RXFP1: variants seen among roughly 807,000 people sequenced by gnomAD.
RXFP1 encodes the protein relaxin receptor 1.
A neutral mutation model predicts 89.8 loss-of-function variants in RXFP1; 73 were observed. The observed-to-expected ratio is 0.81, with a 90% CI of 0.67 to 0.99. The LOEUF (loss-of-function observed/expected upper bound fraction) is 0.99. Among genes scored for constraint, RXFP1 ranks in the 50% least tolerant of loss-of-function variants. RXFP1 has a pLI of 0.00. For missense variants in RXFP1, 793 were observed against 895.5 expected (o/e 0.89, Z 1.46); for synonymous variants, 277 against 305.5 (o/e 0.91, Z 0.97).
chr4:158,592,599 A>T (rs377466626), intron 2 of RXFP1, among the ~76,000 whole-genome samples: 56 of 152,276 alleles, frequency 3.7e-4, no homozygotes, highest in Middle Eastern at 3.4e-3. Context: ...AAAGTAACAT[A>T]AAAAAAGTTA....
intron 1 of RXFP1, among the ~76,000 whole-genome samples, chr4:158,525,131 G>A (rs770729477): frequency 8.6e-5 from 13 of 151,044 alleles, no homozygotes; most frequent in Non-Finnish European, 1.8e-4. Context: ...GAGAATGTTC[G>A]CATATTTATC....
At chr4:158,534,487 TC>T (rs1465818885) in intron 1 of RXFP1, among the ~76,000 whole-genome samples, 1 of 152,138 alleles carries the variant, frequency 6.6e-6, no homozygotes, top group Non-Finnish European at 1.5e-5. Context: ...CCTCAGGTGA[TC>T]CGCCCGCCTC....
Position 158,608,742 on chromosome 4 carries a change from A to T in RXFP1, c.536+699A>T, listed in dbSNP as rs142166186. ...CCTCCAAAACTTTTTCATCTTCCCC[A>T]ACTGAAACTCCATATTTGTTGAATA... On this transcript the variant is annotated intron_variant, in intron 6 of 17. Transcript: ENST00000307765. 7.1e-3 allele frequency among the ~76,000 whole-genome samples: 1,074 copies of T among 152,252 alleles called. 13 individuals are homozygous for T. Among genetic ancestry groups the T allele is most frequent in the African/African-American group, 0.023 (957 of 41,544 alleles).
chr4:158,605,240 T>C, intron 5 of RXFP1, 101 bp downstream of exon 5: 1 of 565,268 alleles, frequency 1.8e-6, no homozygotes, highest in Non-Finnish European at 3.2e-6. Flanking sequence ...CCGCTGCTTG[T>C]GTCTAATCCC....
chr4:158,618,522 T>C (rs959575952), intron 9 of RXFP1, among the ~76,000 whole-genome samples: 1 of 152,120 alleles, frequency 6.6e-6, no homozygotes, highest in Non-Finnish European at 1.5e-5. Context: ...TTATTCCATA[T>C]GAATTCCTGA....
chr4:158,568,649 A>G (rs1561029992), intron 1 of RXFP1, among the ~76,000 whole-genome samples: 1 of 152,174 alleles, frequency 6.6e-6, no homozygotes, highest in Non-Finnish European at 1.5e-5. Context: ...AAAAAGATTA[A>G]TTTTGAATAA....
At chr4:158,551,237 CT>C (rs1750032248) in intron 1 of RXFP1, among the ~76,000 whole-genome samples, 1 of 152,222 alleles carries the variant, frequency 6.6e-6, no homozygotes, top group Middle Eastern at 3.4e-3. Context: ...CTGCAAGATC[CT>C]TTTTATATGT....
chr4:158,561,626 CTTTTTTT>C (rs70962615), intron 1 of RXFP1, among the ~76,000 whole-genome samples: 2 of 112,588 alleles, frequency 1.8e-5, no homozygotes, highest in Admixed American at 1.0e-4. Context: ...TTCTTTTTTT[CTTTTTTT>C]TTTTTTTTTT....
intron 3 of RXFP1, among the ~76,000 whole-genome samples, chr4:158,594,809 CT>C (rs1462225991): frequency 1.3e-5 from 2 of 151,926 alleles, no homozygotes; most frequent in Non-Finnish European, 2.9e-5. Context: ...TCACAGAATT[CT>C]TTGCTGGGTT....
intron 1 of RXFP1, among the ~76,000 whole-genome samples, chr4:158,532,326 A>G (rs533230565): frequency 5.1e-4 from 78 of 151,874 alleles, no homozygotes; most frequent in African/African-American, 1.9e-3. Context: ...TATCTTATCT[A>G]CCATTGGTGG....
chr4:158,589,826 G>A (rs138414777), intron 2 of RXFP1, among the ~76,000 whole-genome samples: 2,417 of 152,202 alleles, frequency 0.016, 35 homozygotes, highest in Non-Finnish European at 0.026. Flanking sequence ...GCCAAGGTGG[G>A]AGGATCACTT....
At chr4:158,547,452 A>T (rs762842752) in intron 1 of RXFP1, among the ~76,000 whole-genome samples, 9 of 151,822 alleles carry the variant, frequency 5.9e-5, no homozygotes, top group Non-Finnish European at 1.0e-4. Context: ...TATTTCCTTC[A>T]GTTCTGCTCT....
chr4:158,626,194 A>T (rs1270878048), intron 9 of RXFP1, among the ~76,000 whole-genome samples: 1 of 150,846 alleles, frequency 6.6e-6, no homozygotes, highest in Non-Finnish European at 1.5e-5. Context: ...ATAGAGATAT[A>T]TGCAGCTCTC....
intron 2 of RXFP1, among the ~76,000 whole-genome samples, chr4:158,592,435 G>T (rs567795707): frequency 3.3e-5 from 5 of 152,138 alleles, no homozygotes; most frequent in African/African-American, 1.2e-4. Context: ...TTTGCTAGGC[G>T]TGGTGGCGGG....
At chr4:158,626,986 A>C (rs1766980526) in intron 10 of RXFP1, 95 bp downstream of exon 10, 1 of 550,880 alleles carries the variant, frequency 1.8e-6, no homozygotes, top group Non-Finnish European at 3.0e-6. Flanking sequence ...CCCAAAGAAC[A>C]TCAAGAGTCT....
At chr4:158,586,542 A>G (rs868756072) in intron 2 of RXFP1, among the ~76,000 whole-genome samples, 3 of 152,270 alleles carry the variant, frequency 2.0e-5, no homozygotes, top group African/African-American at 4.8e-5. Context: ...AGTATGAAAA[A>G]CCATTTTGAT....
At chr4:158,633,164 G>A (rs539126167) in intron 11 of RXFP1, among the ~76,000 whole-genome samples, 3 of 151,352 alleles carry the variant, frequency 2.0e-5, no homozygotes, top group South Asian at 2.1e-4. Flanking sequence ...AGTGATACTC[G>A]GTCTCAAAAA....
intron 1 of RXFP1, among the ~76,000 whole-genome samples, chr4:158,532,882 T>C (rs915893251): frequency 6.6e-6 from 1 of 152,198 alleles, no homozygotes; most frequent in African/African-American, 2.4e-5. Flanking sequence ...GCCCTTTCTT[T>C]GAGCTGGACA....
chr4:158,538,539 C>T (rs985004762), intron 1 of RXFP1, among the ~76,000 whole-genome samples: 1 of 152,158 alleles, frequency 6.6e-6, no homozygotes, highest in Non-Finnish European at 1.5e-5. Context: ...AGGGGCCAGG[C>T]ACAGTGGCTC....
Sources: allele counts gnomAD v4.1 joint callset (sites outside exome capture counted in the v4.1 genomes callset), GRCh38; gene constraint gnomAD v4.1.1; transcripts MANE v1.5; gene names NCBI Gene and HGNC (gene_info 2026-07-23, HGNC 2026-07-21).